DPP6: variants seen among roughly 807,000 people sequenced by gnomAD.
The protein encoded by DPP6 is dipeptidyl peptidase like 6.
DPP6 carries 69 observed loss-of-function variants against 122.6 expected under a neutral mutation model. The ratio of observed to expected loss-of-function variants is 0.56; its 90% CI spans 0.46 to 0.69. DPP6 has a LOEUF of 0.69. Among genes scored for constraint, DPP6 ranks in the 30% least tolerant of loss-of-function variants. DPP6 has a pLI of 0.00. For synonymous variants in DPP6, 418 were observed against 433.1 expected (o/e 0.97, Z 0.43); for missense variants, 928 against 1,116.9 (o/e 0.83, Z 2.41).
At chr7:154,835,694 C>T (rs563399436) in intron 16 of DPP6, among the ~76,000 whole-genome samples, 22 of 152,278 alleles carry the variant, frequency 1.4e-4, no homozygotes, top group Admixed American at 3.3e-4. Flanking sequence ...ACAAGCCATC[C>T]GGGTGATTCA....
intron 1 of DPP6, among the ~76,000 whole-genome samples, chr7:154,283,216 C>T (rs1311663168): frequency 2.6e-5 from 4 of 152,196 alleles, no homozygotes; most frequent in East Asian, 1.9e-4. Context: ...GAGACAGAAG[C>T]GAGTAGAGGC....
At chr7:154,042,495 T>C (rs55656654) in intron 1 of DPP6, among the ~76,000 whole-genome samples, 3 of 152,068 alleles carry the variant, frequency 2.0e-5, no homozygotes, top group Non-Finnish European at 4.4e-5. Context: ...CAAGCTTTTC[T>C]CAGTGTTCGG....
rs1421382327 is a variant in DPP6, at chr7:154,063,228, A to T, written c.243+10165A>T. On this transcript the variant is annotated intron_variant, in intron 1 of 25. Transcript: ENST00000377770. ...GGAGGCACCCCCCCGCGAGGCAGGG[A>T]CTGAGAGCCAGCCCCTATTCCCCCA... 8.9e-5 allele frequency among the ~76,000 whole-genome samples: 11 copies of T among 123,680 alleles called. 2 individuals carry two copies. The highest frequency in any genetic ancestry group is 4.3e-4 in the Admixed American group (5 of 11,604). The allele number at this position is 123,680 out of a possible 152,430, so 81.1% of individuals were successfully genotyped here. A position where few individuals can be genotyped will look rare whatever the true frequency, so the allele number is the denominator to read the frequency against.
At position 154,769,553 on chromosome 7, in the gene DPP6, G is replaced by A. The variant is rs1231669305; in HGVS notation, c.1020G>A (p.Lys340=). The stretch of plus-strand genomic sequence containing the variant: ...CCGGCTCCATCTACCCCACCGTGAA[G>A]CCCTACCACTATCCCAAGGTAGGCA... ...TYTGSIYPTV[K]PYHYPKAGSE... The change falls in exon 9 of 26, where the codon AAG becomes AAA. Residue 340 remains lysine (K), a synonymous_variant. Coordinates refer to ENST00000377770, the MANE Select transcript of DPP6 (RefSeq NM_130797.4). 1.2e-6 allele frequency: 2 copies of A among 1,604,822 alleles called. No individual in the cohort carries two copies. Among genetic ancestry groups the A allele is most frequent in the Non-Finnish European group, 1.7e-6 (2 of 1,174,514 alleles).
Position 154,481,159 on chromosome 7 carries a change from G to C in DPP6, c.457+6122G>C, listed in dbSNP as rs1156860651. ...AGAAGGGGATGCTTGGGTGACTGGG[G>C]TGGAATTTTAATGTTTCTAACTTTA... On this transcript the variant is annotated intron_variant, in intron 3 of 25. Transcript: ENST00000377770. This position sits in a 1 kb window ranked among gnomAD's most constrained non-coding sequence, Gnocchi z 4.2. Among the ~76,000 whole-genome samples the C allele has an allele frequency of 6.6e-6, 1 of 152,106 alleles. No homozygotes were observed. Among genetic ancestry groups the C allele is most frequent in the African/African-American group, 2.4e-5 (1 of 41,414 alleles).
chr7:154,255,063 T>C (rs575540865), intron 1 of DPP6, among the ~76,000 whole-genome samples: 14 of 152,160 alleles, frequency 9.2e-5, no homozygotes, highest in Admixed American at 2.0e-4. Flanking sequence ...AAAATAAAGA[T>C]GTAGACAATT....
chr7:153,772,591 GGAC>G, the DPP6 span, among the ~76,000 whole-genome samples: 4 of 151,984 alleles, frequency 2.6e-5, no homozygotes, highest in African/African-American at 9.7e-5. Flanking sequence ...AAAAGAGCTA[GGAC>G]GATGGTAGAT....
intron 1 of DPP6, among the ~76,000 whole-genome samples, chr7:154,079,043 G>A (rs559290782): frequency 5.3e-4 from 81 of 151,596 alleles, no homozygotes; most frequent in African/African-American, 1.7e-3. Context: ...TGTATCACGC[G>A]GTCAGGAGAT....
intron 5 of DPP6, among the ~76,000 whole-genome samples, chr7:154,574,866 TTTGTGTG>T (rs1831427150): frequency 7.1e-6 from 1 of 140,442 alleles, no homozygotes; most frequent in South Asian, 2.4e-4. Context: ...GGTGTGTGTG[TTTGTGTG>T]TTGTGTGTGT....
intron 5 of DPP6, among the ~76,000 whole-genome samples, chr7:154,591,938 C>T (rs1754730503): frequency 2.0e-5 from 3 of 152,210 alleles, no homozygotes; most frequent in Admixed American, 2.0e-4. Context: ...GCCTCCAGGG[C>T]CTGTGCTCTC....
rs1843611301 is a variant in DPP6 at position 154,755,354 on chromosome 7, G to T, written c.884-14063G>T. Among the ~76,000 whole-genome samples, 2 of 152,082 alleles carry T rather than the reference G, an allele frequency of 1.3e-5. No homozygotes were observed. The highest frequency in any genetic ancestry group is 1.3e-4 in the Admixed American group (2 of 15,280). ...TCAGAGCCCACAGGTGCACACTGGG[G>T]TTGTCATGGGAGACAGGTGAGGAGA... is the stretch of plus-strand genomic sequence containing the variant. On this transcript the variant is annotated intron_variant, in intron 8 of 25. Coordinates refer to ENST00000377770, the MANE Select transcript of DPP6 (RefSeq NM_130797.4). The surrounding 1 kb of genome is among the most constrained non-coding windows in gnomAD (Gnocchi z 4.7).
the DPP6 span, among the ~76,000 whole-genome samples, chr7:153,787,645 C>T: frequency 9.4e-5 from 14 of 148,536 alleles, no homozygotes; most frequent in Non-Finnish European, 1.5e-4. Context: ...GTGGTACGCC[C>T]CTCTAGTCTA....
chr7:154,567,474 A>G (rs566324321), intron 5 of DPP6, among the ~76,000 whole-genome samples: 32 of 152,334 alleles, frequency 2.1e-4, no homozygotes, highest in African/African-American at 5.5e-4. Context: ...TTCCTAGGCC[A>G]GGATCTTCCT....
chr7:154,062,247 T>C lies in DPP6; in HGVS notation c.243+9184T>C, dbSNP rs375411818. Among the ~76,000 whole-genome samples, 446 of 84,122 alleles carry C rather than the reference T, an allele frequency of 5.3e-3. 74 individuals carry two copies. The highest frequency in any genetic ancestry group is 0.019 in the Middle Eastern group (3 of 162). 55.2% of individuals were successfully genotyped at this position (84,122 alleles called of 152,430 possible). On this transcript the variant is annotated intron_variant, in intron 1 of 25. Coordinates refer to ENST00000377770, the MANE Select transcript of DPP6 (RefSeq NM_130797.4). ...GTCCAAGTAGAAAGTTCAAATCTTC[T>C]GACGGCAGGTACCTTACGTGGGATT...
At chr7:154,504,027 G>GCTTGCT in intron 3 of DPP6, among the ~76,000 whole-genome samples, 1 of 152,186 alleles carries the variant, frequency 6.6e-6, no homozygotes, top group Admixed American at 6.5e-5. Context: ...CCTTTTAGCT[G>GCTTGCT]AATGATCCCT....
chr7:154,555,397 A>G (rs1377028520), intron 4 of DPP6, among the ~76,000 whole-genome samples: 2 of 152,020 alleles, frequency 1.3e-5, no homozygotes, highest in Non-Finnish European at 2.9e-5. Flanking sequence ...GTTCTCACTC[A>G]TAGGTGGGAA....
At chr7:154,116,206 C>T (rs954982485) in intron 1 of DPP6, among the ~76,000 whole-genome samples, 7 of 152,144 alleles carry the variant, frequency 4.6e-5, no homozygotes, top group Admixed American at 1.3e-4. Flanking sequence ...TAAATTTTCT[C>T]ATCCAAGGAA....
intron 8 of DPP6, among the ~76,000 whole-genome samples, chr7:154,737,525 G>T (rs1243209025): frequency 1.3e-5 from 2 of 152,010 alleles, no homozygotes; most frequent in African/African-American, 4.8e-5. Context: ...TCTGCATTTG[G>T]TGGGAGGGTC....
At position 154,892,520 on chromosome 7, in the gene DPP6, AC is replaced by A. The variant is rs1415382063; in HGVS notation, c.*42del. On this transcript the variant is annotated 3_prime_UTR_variant, in exon 26 of 26. Coordinates refer to ENST00000377770, the MANE Select transcript of DPP6 (RefSeq NM_130797.4). ...AAGCACAAACGTGGCTCTTTCTACAACCAGATGCAACCGAGGGATTTCCCTG... is the reference window on the plus strand; with the variant it reads ...AAGCACAAACGTGGCTCTTTCTACAACAGATGCAACCGAGGGATTTCCCTG... 10 of 1,404,460 alleles carry A rather than the reference AC, an allele frequency of 7.1e-6. No homozygotes were observed. The Admixed American group carries it at 1.7e-4, about 24-fold the overall frequency. 87.0% of individuals were successfully genotyped at this position (1,404,460 alleles called of 1,614,324 possible). A position where few individuals can be genotyped will look rare whatever the true frequency, so the allele number is the denominator to read the frequency against.
Sources: allele counts gnomAD v4.1 joint callset (sites outside exome capture counted in the v4.1 genomes callset), GRCh38; gene constraint gnomAD v4.1.1; non-coding constraint Gnocchi (gnomAD v3.1); transcripts MANE v1.5; gene names NCBI Gene and HGNC (gene_info 2026-07-23, HGNC 2026-07-21).